PRKG1: variants seen among roughly 807,000 people sequenced by gnomAD.
PRKG1 encodes the protein protein kinase cGMP-dependent 1, also known as cGMP-dependent protein kinase 1.
A neutral mutation model predicts 88.1 loss-of-function variants in PRKG1; 35 were observed. The ratio of observed to expected loss-of-function variants is 0.40; its 90% CI spans 0.30 to 0.53. The LOEUF is 0.53. PRKG1 is among the 20% of genes least tolerant of loss of function. The pLI, the probability that PRKG1 is intolerant of heterozygous loss-of-function variation, is 0.59. For synonymous variants in PRKG1, 303 were observed against 292.5 expected, an observed-to-expected ratio of 1.04 and a Z score of -0.37; for missense variants, 540 against 839.8, an observed-to-expected ratio of 0.64 and a Z score of 4.41.
intron 3 of PRKG1, among the ~76,000 whole-genome samples, chr10:51,676,753 T>G (rs528206840): frequency 1.3e-5 from 2 of 152,326 alleles, no homozygotes; most frequent in African/African-American, 4.8e-5. Flanking sequence ...CTGTGGAGAT[T>G]TATGTGACAA....
intron 2 of PRKG1, among the ~76,000 whole-genome samples, chr10:51,321,352 A>G (rs1443947042): frequency 1.3e-5 from 2 of 152,222 alleles, no homozygotes; most frequent in Admixed American, 6.5e-5. Context: ...TGCACAGTAC[A>G]TGGCACATAA....
At chr10:51,525,494 C>T (rs1841857311) in intron 3 of PRKG1, among the ~76,000 whole-genome samples, 4 of 152,108 alleles carry the variant, frequency 2.6e-5, no homozygotes, top group Middle Eastern at 6.8e-3. Context: ...GTCAGGAAAT[C>T]GAGACCATCC....
intron 1 of PRKG1, among the ~76,000 whole-genome samples, chr10:51,091,493 T>G (rs934986562): frequency 2.0e-5 from 3 of 152,206 alleles, no homozygotes; most frequent in Non-Finnish European, 4.4e-5. Flanking sequence ...ATCAATTTAC[T>G]TGAATGACTA....
At chr10:52,289,874 C>T (rs1464438923) in intron 16 of PRKG1, among the ~76,000 whole-genome samples, 1 of 152,096 alleles carries the variant, frequency 6.6e-6, no homozygotes, top group African/African-American at 2.4e-5. Flanking sequence ...TGCCCTGGTT[C>T]TACCTCCTTA....
At chr10:52,056,592 CTG>C (rs1846115547) in intron 6 of PRKG1, among the ~76,000 whole-genome samples, 1 of 152,090 alleles carries the variant, frequency 6.6e-6, no homozygotes, top group African/African-American at 2.4e-5. Flanking sequence ...TCAGAGCACT[CTG>C]GGGATTCTGG....
chr10:51,671,680 G>A (rs12269050), intron 3 of PRKG1, among the ~76,000 whole-genome samples: 22,277 of 150,878 alleles, frequency 0.15, 1,756 homozygotes, highest in African/African-American at 0.18. Context: ...TCCACCTCCC[G>A]GGTTCAAACA....
At chr10:51,526,577 A>G (rs970250549) in intron 3 of PRKG1, among the ~76,000 whole-genome samples, 10 of 152,208 alleles carry the variant, frequency 6.6e-5, no homozygotes, top group Non-Finnish European at 1.3e-4. Flanking sequence ...AAAAAATTTA[A>G]TAAGAAGTTC....
intron 2 of PRKG1, among the ~76,000 whole-genome samples, chr10:51,377,787 C>T (rs1419346560): frequency 1.3e-5 from 2 of 152,124 alleles, no homozygotes; most frequent in African/African-American, 2.4e-5. Flanking sequence ...TGGAAAGGAC[C>T]GCACATTCCC....
At chr10:51,996,941 C>A (rs183533738) in intron 5 of PRKG1, among the ~76,000 whole-genome samples, 8 of 152,030 alleles carry the variant, frequency 5.3e-5, no homozygotes, top group Non-Finnish European at 8.8e-5. Flanking sequence ...CAAAATTCAG[C>A]CATAAAAAAG....
intron 3 of PRKG1, chr10:51,698,273 T>C (rs111331961): frequency 6.2e-7 from 1 of 1,614,044 alleles, no homozygotes; most frequent in African/African-American, 1.3e-5. Flanking sequence ...CTCTAAGACC[T>C]CAGTTTCCAT....
intron 3 of PRKG1, among the ~76,000 whole-genome samples, chr10:51,663,702 C>CAAA (rs56804341): frequency 2.2e-4 from 16 of 72,670 alleles, no homozygotes; most frequent in African/African-American, 6.0e-4. Context: ...GACCCTGTCT[C>CAAA]AAAAAAAAAA....
chr10:52,031,564 A>G (rs556090828), intron 5 of PRKG1, among the ~76,000 whole-genome samples: 36 of 152,332 alleles, frequency 2.4e-4, no homozygotes, highest in Non-Finnish European at 4.1e-4. Context: ...TTACACTGTC[A>G]TGAATATTAG....
chr10:51,048,326 C>T (rs934949162), intron 1 of PRKG1, among the ~76,000 whole-genome samples: 1 of 151,948 alleles, frequency 6.6e-6, no homozygotes, highest in African/African-American at 2.4e-5. Context: ...TTCTCCCTCC[C>T]TCCCTTTCTT....
chr10:51,494,451 T>A (rs61849789), intron 3 of PRKG1, among the ~76,000 whole-genome samples: 1 of 152,192 alleles, frequency 6.6e-6, no homozygotes, highest in African/African-American at 2.4e-5. Flanking sequence ...GAAAGTAGTA[T>A]AAATGATAGT....
chr10:51,191,904 A>G (rs181073636), intron 2 of PRKG1, among the ~76,000 whole-genome samples: 161 of 151,950 alleles, frequency 1.1e-3, no homozygotes, highest in African/African-American at 3.6e-3. Flanking sequence ...CTTTAATACA[A>G]AATGAACAGC....
At chr10:51,984,674 C>CAA (rs1844106526) in intron 5 of PRKG1, among the ~76,000 whole-genome samples, 1 of 151,974 alleles carries the variant, frequency 6.6e-6, no homozygotes, top group African/African-American at 2.4e-5. Flanking sequence ...GAATGTGCTA[C>CAA]AATGTAACTC....
intron 9 of PRKG1, among the ~76,000 whole-genome samples, chr10:52,221,663 G>A (rs990547030): frequency 3.3e-5 from 5 of 152,138 alleles, no homozygotes; most frequent in Admixed American, 3.3e-4. Context: ...ATCAATAAAT[G>A]AGGAGCTATA....
rs79789359 is a variant in PRKG1 at position 51,529,401 on chromosome 10, A to T, written c.592+61565A>T. Among the ~76,000 whole-genome samples, 1,097 of 152,292 alleles carry T rather than the reference A, an allele frequency of 7.2e-3. 17 individuals are homozygous for T. Among genetic ancestry groups the T allele is most frequent in the African/African-American group, 0.025 (1,037 of 41,556 alleles). On this transcript the variant is annotated intron_variant, in intron 3 of 17. Coordinates refer to ENST00000373980, the MANE Select transcript of PRKG1 (RefSeq NM_006258.4). ...ATTGCTTGAAGCTCTTCAGTGACTT[A>T]TCATCAGGCTCATATGGAAATACAC...
intron 1 of PRKG1, among the ~76,000 whole-genome samples, chr10:51,133,463 G>C (rs898706583): frequency 6.6e-6 from 1 of 152,148 alleles, no homozygotes; most frequent in Non-Finnish European, 1.5e-5. Context: ...TTGTTTTCAT[G>C]CTCATTTTAC....
Sources: gnomAD v4.1 joint callset for allele counts (sites outside exome capture counted in the v4.1 genomes callset) on GRCh38, gnomAD v4.1.1 for gene constraint, MANE v1.5 for transcripts, NCBI Gene and HGNC (gene_info 2026-07-23, HGNC 2026-07-21) for gene names.